The following POU2F1 variants were observed in gnomAD, a reference collection of about 807,000 sequenced individuals.
The protein encoded by POU2F1 is POU domain, class 2, transcription factor 1.
In POU2F1, 16 loss-of-function variants were observed where a neutral mutation model predicts 84.9. That is an observed-to-expected ratio of 0.19 (90% CI 0.13 to 0.29). The LOEUF is 0.29. POU2F1 is among the 10% of genes least tolerant of loss of function. The probability of loss-of-function intolerance (pLI) is 1.00; values close to 1 mark genes in which losing one functional copy is unlikely to be tolerated. For synonymous variants in POU2F1, 368 were observed against 368.3 expected (o/e 1.00, Z 0.01); for missense variants, 738 against 942.6 (o/e 0.78, Z 2.84).
chr1:167,222,392 A>G (rs1648297009), intron 1 of POU2F1, among the ~76,000 whole-genome samples: 1 of 152,154 alleles, frequency 6.6e-6, no homozygotes, highest in Admixed American at 6.5e-5. Flanking sequence ...TCTCATGTTT[A>G]GTAATTCAGA....
intron 2 of POU2F1, among the ~76,000 whole-genome samples, chr1:167,354,690 C>T (rs1392604970): frequency 2.0e-5 from 3 of 152,188 alleles, no homozygotes; most frequent in Non-Finnish European, 4.4e-5. Flanking sequence ...CTAATAGCAA[C>T]TGGGATTAAC....
intron 13 of POU2F1, among the ~76,000 whole-genome samples, chr1:167,402,710 A>G (rs1649293880): frequency 6.6e-6 from 1 of 152,190 alleles, no homozygotes; most frequent in South Asian, 2.1e-4. Flanking sequence ...TCAAGAATAT[A>G]CTTAAGAACC....
chr1:167,335,558 A>G (rs1657391048), intron 2 of POU2F1, among the ~76,000 whole-genome samples: 1 of 152,192 alleles, frequency 6.6e-6, no homozygotes. Context: ...ATTATACAGT[A>G]ACAGAGAATT....
chr1:167,398,027 C>G lies in POU2F1; in HGVS notation c.1163C>G (p.Pro388Arg). Residue 388 changes from proline to arginine, a missense_variant, in exon 11 of 16, where the codon CCA (proline) becomes CGA (arginine). By Grantham distance (103) the Pro-to-Arg change is moderately radical. Coordinates refer to ENST00000367866, the MANE Select transcript of POU2F1 (RefSeq NM_002697.4). The stretch of plus-strand genomic sequence containing the variant: ...TCATCTGATTCGTCCCTCTCCAGCC[C>G]AAGTGCCCTGAATTCTCCAGGAATT... ...NLSSDSSLSS[P>R]SALNSPGIEG... 1 of 1,613,936 alleles carries G rather than the reference C, an allele frequency of 6.2e-7. No individual in the cohort carries two copies. The highest frequency in any genetic ancestry group is 8.5e-7 in the Non-Finnish European group (1 of 1,179,890).
intron 1 of POU2F1, among the ~76,000 whole-genome samples, chr1:167,235,843 TG>T (rs1293006479): frequency 6.6e-6 from 1 of 152,168 alleles, no homozygotes; most frequent in Non-Finnish European, 1.5e-5. Flanking sequence ...AACCAAAGAC[TG>T]GTTTGGTCTG....
At chr1:167,356,058 C>T (rs1039577263) in intron 2 of POU2F1, among the ~76,000 whole-genome samples, 7 of 151,976 alleles carry the variant, frequency 4.6e-5, no homozygotes, top group Admixed American at 3.9e-4. Context: ...AGGTGATCCT[C>T]CCACCTCAGC....
Position 167,420,942 on chromosome 1 carries a change from G to T in POU2F1, c.*5132G>T, listed in dbSNP as rs1571487205. 1 of 152,178 alleles carries T rather than the reference G, an allele frequency of 6.6e-6. No homozygotes were observed. The highest frequency in any genetic ancestry group is 1.5e-5 in the Non-Finnish European group (1 of 68,030). The allele number at this position is 152,178 out of a possible 1,614,324, so 9.4% of individuals were successfully genotyped here. ...ATTAGAGTTGAAAACATTAAAAGAT[G>T]ACTGATACTAATGGGAGAAAAATAC... On this transcript the variant is annotated 3_prime_UTR_variant, in exon 16 of 16. Transcript: ENST00000367866.
chr1:167,404,971 G>A (rs943587757), intron 13 of POU2F1, among the ~76,000 whole-genome samples: 27 of 152,206 alleles, frequency 1.8e-4, no homozygotes, highest in African/African-American at 6.0e-4. Flanking sequence ...CATATCCTTA[G>A]CACTATCTTC....
At chr1:167,396,688 C>CAT (rs574746120) in intron 10 of POU2F1, 2 of 168,854 alleles carry the variant, frequency 1.2e-5, no homozygotes, top group African/African-American at 6.6e-5. Flanking sequence ...GGATTAGGAA[C>CAT]ACACACACAC....
chr1:167,235,628 C>T (rs1183682170), intron 1 of POU2F1, among the ~76,000 whole-genome samples: 1 of 152,162 alleles, frequency 6.6e-6, no homozygotes, highest in Non-Finnish European at 1.5e-5. Flanking sequence ...GGTGTGCATG[C>T]TCCTGTCATG....
chr1:167,358,283 T>G (rs1659107788), intron 2 of POU2F1, among the ~76,000 whole-genome samples: 1 of 151,914 alleles, frequency 6.6e-6, no homozygotes. Flanking sequence ...ATATTTTATA[T>G]TAGTAGATTA....
In POU2F1 at chr1:167,231,945, C is replaced by A. The variant is rs149822974; in HGVS notation, c.61+10987C>A. 1.2e-4 allele frequency among the ~76,000 whole-genome samples: 18 copies of A among 152,278 alleles called. No homozygotes were observed. In the East Asian group the frequency reaches 2.9e-3, roughly 24 times the overall value. On this transcript the variant is annotated intron_variant, in intron 1 of 15. Coordinates refer to ENST00000367866, the MANE Select transcript of POU2F1 (RefSeq NM_002697.4). ...CATCTCAGACATCCCTCATTATACACAGGGGCATACCACAAGGGGATTGGT... is the reference window on the plus strand; with the variant it reads ...CATCTCAGACATCCCTCATTATACAAAGGGGCATACCACAAGGGGATTGGT...
intron 1 of POU2F1, among the ~76,000 whole-genome samples, chr1:167,294,480 C>A (rs1654153269): frequency 6.6e-6 from 1 of 152,182 alleles, no homozygotes; most frequent in African/African-American, 2.4e-5. Flanking sequence ...AGTACACAGA[C>A]AACCCACAAA....
chr1:167,224,288 T>G (rs1648459296), intron 1 of POU2F1, among the ~76,000 whole-genome samples: 1 of 152,212 alleles, frequency 6.6e-6, no homozygotes, highest in Non-Finnish European at 1.5e-5. Flanking sequence ...CTGTGTTTCT[T>G]AATCAGAGCA....
intron 2 of POU2F1, among the ~76,000 whole-genome samples, chr1:167,363,203 A>G (rs1213965297): frequency 1.3e-5 from 2 of 152,224 alleles, no homozygotes; most frequent in African/African-American, 4.8e-5. Flanking sequence ...TGGAACCAGT[A>G]TATAGAATTT....
chr1:167,314,302 G>GCCACT (rs1655723150), intron 1 of POU2F1, among the ~76,000 whole-genome samples: 1 of 152,058 alleles, frequency 6.6e-6, no homozygotes, highest in South Asian at 2.1e-4. Context: ...AGTATTACTA[G>GCCACT]CCACTAGGGA....
chr1:167,296,413 T>A (rs1158336689), intron 1 of POU2F1, among the ~76,000 whole-genome samples: 1 of 152,170 alleles, frequency 6.6e-6, no homozygotes, highest in Non-Finnish European at 1.5e-5. Flanking sequence ...GTTGGACCTA[T>A]TTTTAGGACT....
intron 3 of POU2F1, 89 bp downstream of exon 3, chr1:167,365,656 C>T (rs1185453719): frequency 1.1e-6 from 1 of 914,550 alleles, no homozygotes; most frequent in Non-Finnish European, 1.6e-6. Flanking sequence ...GAATGTGGGA[C>T]CTTTTAAATT....
At chr1:167,333,226 T>C (rs1657198932) in intron 2 of POU2F1, among the ~76,000 whole-genome samples, 1 of 152,114 alleles carries the variant, frequency 6.6e-6, no homozygotes, top group Admixed American at 6.5e-5. Flanking sequence ...CTGTAAAGGA[T>C]GGTTTGTCTC....
Sources: allele counts gnomAD v4.1 joint callset (sites outside exome capture counted in the v4.1 genomes callset), GRCh38; gene constraint gnomAD v4.1.1; transcripts MANE v1.5; gene names NCBI Gene and HGNC (gene_info 2026-07-23, HGNC 2026-07-21).